CCDC14: variants seen among roughly 807,000 people sequenced by gnomAD.
CCDC14 encodes coiled-coil domain containing 14.
Under a neutral mutation model 81.4 loss-of-function variants are expected in CCDC14, and 71 were observed. The ratio of observed to expected loss-of-function variants is 0.87; its 90% CI spans 0.72 to 1.06. The LOEUF (loss-of-function observed/expected upper bound fraction) is 1.06, where lower values mean the gene tolerates loss of function less well. Ranked by LOEUF, CCDC14 falls within the 50% of genes least tolerant of loss-of-function variation. The pLI is 0.00. For missense variants in CCDC14, 1,046 were observed against 1,047.3 expected (o/e 1.00, Z 0.02); for synonymous variants, 332 against 364.8 (o/e 0.91, Z 1.03).
Position 123,961,221 on chromosome 3 carries a change from G to A in CCDC14, c.-48C>T. 1.9e-6 allele frequency: 3 copies of A among 1,551,484 alleles called. No homozygotes were observed. Among genetic ancestry groups the A allele is most frequent in the Non-Finnish European group, 1.7e-6 (2 of 1,146,914 alleles). ...CAGACCGAGGGAAGTGAAGCCTCACGGTAAAAAGAATTAACCGCCGTGGGC... is the reference window on the plus strand; with the variant it reads ...CAGACCGAGGGAAGTGAAGCCTCACAGTAAAAAGAATTAACCGCCGTGGGC... On this transcript the variant is annotated 5_prime_UTR_variant, in exon 1 of 13. Coordinates refer to ENST00000409697, the MANE Select transcript of CCDC14 (RefSeq NM_001366335.1).
chr3:123,910,573 TAA>T (rs993995922), downstream of CCDC14, among the ~76,000 whole-genome samples: 1 of 150,776 alleles, frequency 6.6e-6, no homozygotes, highest in African/African-American at 2.4e-5. Context: ...GTGTCATGGT[TAA>T]AAAAAAAGTT....
intron 9 of CCDC14, among the ~76,000 whole-genome samples, chr3:123,937,247 T>G (rs1321208720): frequency 6.6e-6 from 1 of 152,088 alleles, no homozygotes; most frequent in Non-Finnish European, 1.5e-5. Context: ...GTTTAATTTC[T>G]AAGAAACTGC....
intron 12 of CCDC14, among the ~76,000 whole-genome samples, chr3:123,929,461 C>T (rs1398622546): frequency 6.6e-6 from 1 of 152,014 alleles, no homozygotes; most frequent in Non-Finnish European, 1.5e-5. Context: ...CACGACCACG[C>T]ACAGCTAACT....
chr3:123,912,809 C>T (rs934248536), downstream of CCDC14, among the ~76,000 whole-genome samples: 1 of 152,156 alleles, frequency 6.6e-6, no homozygotes, highest in Non-Finnish European at 1.5e-5. Context: ...CAGCCTGGAG[C>T]TCAAGACATT....
chr3:123,933,477 G>C (rs1372603641), intron 10 of CCDC14, 196 bp downstream of exon 10: 1 of 555,758 alleles, frequency 1.8e-6, no homozygotes, highest in Non-Finnish European at 3.2e-6. Flanking sequence ...TATGTAAAAG[G>C]AAACACACTC....
At chr3:123,905,952 AATAAT>A (rs2034297732) in intron 5 of CCDC14, among the ~76,000 whole-genome samples, 1 of 150,496 alleles carries the variant, frequency 6.6e-6, no homozygotes, top group Admixed American at 6.6e-5. Context: ...ATACTGTATG[AATAAT>A]ATAACAGTTG....
At chr3:123,891,648 G>A in the CCDC14 span, among the ~76,000 whole-genome samples, 2 of 152,138 alleles carry the variant, frequency 1.3e-5, no homozygotes, top group Non-Finnish European at 2.9e-5. Flanking sequence ...CATTGTCCAT[G>A]TTATTATCAG....
downstream of CCDC14, among the ~76,000 whole-genome samples, chr3:123,909,890 CACA>C (rs1276631058): frequency 6.6e-6 from 1 of 152,210 alleles, no homozygotes; most frequent in African/African-American, 2.4e-5. Flanking sequence ...AACTGAGAAT[CACA>C]ACATCTGGTT....
chr3:123,951,353 C>T (rs2037011132), intron 5 of CCDC14, among the ~76,000 whole-genome samples: 2 of 152,150 alleles, frequency 1.3e-5, no homozygotes, highest in South Asian at 2.1e-4. Context: ...AACCTCTGAA[C>T]ATGTCCCCTC....
In CCDC14 at chr3:123,915,030, T is replaced by C; in HGVS notation, c.2467A>G (p.Thr823Ala). The C allele has an allele frequency of 1.2e-6, 2 of 1,614,056 alleles. No individual in the cohort carries two copies. The highest frequency in any genetic ancestry group is 1.7e-6 in the Non-Finnish European group (2 of 1,179,890). The change falls in exon 13 of 13, where the codon ACC becomes GCC. Residue 823 changes from threonine (T) to alanine (A), a missense_variant. Physicochemically the swap from Thr to Ala is moderately conservative, Grantham distance 58 (BLOSUM62 0). Transcript: ENST00000409697. ...KEAIGKIPAATKEPEEQTACH... is the reference protein window; with the variant it reads ...KEAIGKIPAAAKEPEEQTACH... ...GCAGTTTGTTCCTCTGGCTCCTTGG[T>C]GGCAGCAGGGATCTTACCAATTGCT...
intron 9 of CCDC14, 41 bp downstream of exon 9, chr3:123,944,808 T>C (rs1050124274): frequency 6.4e-7 from 1 of 1,563,784 alleles, no homozygotes; most frequent in Non-Finnish European, 8.7e-7. Context: ...CCAGGAGACA[T>C]CTTTGCATAC....
downstream of CCDC14, among the ~76,000 whole-genome samples, chr3:123,908,686 C>G (rs2034377129): frequency 6.6e-6 from 1 of 152,090 alleles, no homozygotes; most frequent in Admixed American, 6.6e-5. Context: ...AGTGTTTTGT[C>G]ATCCATTATT....
chr3:123,943,025 A>G (rs761796586), intron 9 of CCDC14, among the ~76,000 whole-genome samples: 1 of 151,952 alleles, frequency 6.6e-6, no homozygotes, highest in Non-Finnish European at 1.5e-5. Context: ...AGAAGTAAGT[A>G]TATATCTGTG....
intron 12 of CCDC14, 48 bp downstream of exon 12, chr3:123,931,054 A>G: frequency 6.8e-7 from 1 of 1,463,710 alleles, no homozygotes; most frequent in South Asian, 1.5e-5. Context: ...TTATAAAAAC[A>G]TCTAAAAATA....
chr3:123,912,068 G>C (rs2034461073), downstream of CCDC14, among the ~76,000 whole-genome samples: 2 of 152,104 alleles, frequency 1.3e-5, no homozygotes, highest in African/African-American at 4.8e-5. Context: ...CTTCAATGGT[G>C]TTCACAACTA....
downstream of CCDC14, among the ~76,000 whole-genome samples, chr3:123,909,399 G>C (rs115466075): frequency 2.2e-3 from 337 of 152,218 alleles, 1 homozygote; most frequent in African/African-American, 7.1e-3. Context: ...ATAATGCTGG[G>C]GTCCTGGAAA....
At chr3:123,932,655 A>T (rs1271713649) in intron 10 of CCDC14, among the ~76,000 whole-genome samples, 1 of 152,172 alleles carries the variant, frequency 6.6e-6, no homozygotes, top group Non-Finnish European at 1.5e-5. Flanking sequence ...CCAAAAAAAT[A>T]AAAAAATAAA....
chr3:123,887,481 A>AAC, the CCDC14 span, among the ~76,000 whole-genome samples: 1 of 8,530 alleles, frequency 1.2e-4, no homozygotes, highest in East Asian at 8.2e-4. Flanking sequence ...CAACAACAAC[A>AAC]AAAAAAAAAA....
At position 123,919,240 on chromosome 3, in the gene CCDC14, T is replaced by C. The variant is rs141825764; in HGVS notation, c.1779-3522A>G. Among the ~76,000 whole-genome samples the C allele has an allele frequency of 4.0e-3, 605 of 152,290 alleles. 6 individuals carry two copies. Among genetic ancestry groups the C allele is most frequent in the African/African-American group, 0.013 (561 of 41,556 alleles). The stretch of plus-strand genomic sequence containing the variant: ...AGGCCAGGAGGCAAAACTGCATCCT[T>C]ACATATCTGCAGAACACAGTTAACT... On this transcript the variant is annotated intron_variant, in intron 12 of 12. Coordinates refer to ENST00000409697, the MANE Select transcript of CCDC14 (RefSeq NM_001366335.1).
Sources: allele counts gnomAD v4.1 joint callset (sites outside exome capture counted in the v4.1 genomes callset), GRCh38; gene constraint gnomAD v4.1.1; transcripts MANE v1.5; gene names NCBI Gene and HGNC (gene_info 2026-07-23, HGNC 2026-07-21).